NUP205: variants seen among roughly 807,000 people sequenced by gnomAD.
The protein encoded by NUP205 is nuclear pore complex protein Nup205.
A neutral mutation model predicts 253.8 loss-of-function variants in NUP205; 76 were observed. That is an observed-to-expected ratio of 0.30 (90% CI 0.25 to 0.36). The LOEUF is 0.36. Ranked by LOEUF, NUP205 falls within the 10% of genes least tolerant of loss-of-function variation. The probability of loss-of-function intolerance (pLI) is 1.00; values close to 1 mark genes in which losing one functional copy is unlikely to be tolerated. For missense variants in NUP205, 2,162 were observed against 2,425.5 expected, an observed-to-expected ratio of 0.89 and a Z score of 2.28; for synonymous variants, 832 against 850.1, an observed-to-expected ratio of 0.98 and a Z score of 0.37.
chr7:135,645,629 A>T, intron 41 of NUP205, 33 bp downstream of exon 41: 1 of 1,598,692 alleles, frequency 6.3e-7, no homozygotes, highest in Non-Finnish European at 8.5e-7. Context: ...ATGAACCATA[A>T]ATACCTATTT....
intron 5 of NUP205, 31 bp from the exon 6 acceptor site, chr7:135,577,765 T>G: frequency 6.6e-7 from 1 of 1,518,310 alleles, no homozygotes; most frequent in South Asian, 1.1e-5. Flanking sequence ...CTGTAATTTA[T>G]TTATACTGAT....
At chr7:135,613,598 A>C (rs964073680) in intron 22 of NUP205, 2 of 149,438 alleles carry the variant, frequency 1.3e-5, no homozygotes, top group Admixed American at 1.3e-4. Flanking sequence ...GTGCAGTGTC[A>C]TGATCTTGGC....
rs921333191 is a variant in NUP205, at chr7:135,628,015, A to G, written c.4836A>G (p.Pro1612=). The G allele has an allele frequency of 3.1e-5, 50 of 1,611,168 alleles. No homozygotes were observed. Among genetic ancestry groups the G allele is most frequent in the Non-Finnish European group, 4.2e-5 (50 of 1,179,452 alleles). The stretch of plus-strand genomic sequence containing the variant: ...ACCCTCCAATGTTCATCCCTACCCC[A>G]GTGGATCGCTACCGCCAGATTCTCC... ...MRDPPMFIPT[P]VDRYRQILLP... is the part of the protein sequence containing the mutation. The change falls in exon 34 of 43, where the codon CCA becomes CCG. Residue 1612 remains proline, a synonymous_variant. Coordinates refer to ENST00000285968, the MANE Select transcript of NUP205 (RefSeq NM_015135.3).
At chr7:135,561,900 G>GTTCC (rs1161022044) in intron 1 of NUP205, among the ~76,000 whole-genome samples, 2 of 140,722 alleles carry the variant, frequency 1.4e-5, no homozygotes, top group Non-Finnish European at 3.1e-5. Context: ...TCCTTCCTTT[G>GTTCC]TTCCTTCCTT....
intron 30 of NUP205, among the ~76,000 whole-genome samples, chr7:135,622,511 C>A (rs953954216): frequency 6.6e-6 from 1 of 151,598 alleles, no homozygotes; most frequent in South Asian, 2.1e-4. Context: ...TCATTTTGAT[C>A]TCTTTCAGAA....
Position 135,567,126 on chromosome 7 carries a change from G to GTATA in NUP205, c.29-3978_29-3977insATAT, listed in dbSNP as rs1563107967. 8.0e-3 allele frequency among the ~76,000 whole-genome samples: 43 copies of GTATA among 5,362 alleles called. 1 individual carries two copies. The highest frequency in any genetic ancestry group is 0.013 in the African/African-American group (35 of 2,718). 3.5% of individuals were successfully genotyped at this position (5,362 alleles called of 152,430 possible). A position where few individuals can be genotyped will look rare whatever the true frequency, so the allele number is the denominator to read the frequency against. Reference sequence around the variant, plus strand: ...TCTGTCTGTCTTGCTCAGTCTATGTGTGTATATATATATATATATATATAT... The same window carrying GTATA: ...TCTGTCTGTCTTGCTCAGTCTATGTGTATATGTATATATATATATATATATATAT... On this transcript the variant is annotated intron_variant, in intron 1 of 42. Transcript: ENST00000285968.
chr7:135,621,034 A>G (rs1464315223), intron 30 of NUP205, among the ~76,000 whole-genome samples: 1 of 152,190 alleles, frequency 6.6e-6, no homozygotes, highest in East Asian at 1.9e-4. Flanking sequence ...ATTTGTTAAG[A>G]AGTTGTCAGA....
chr7:135,584,264 A>G lies in NUP205; in HGVS notation c.1043-568A>G, dbSNP rs558811320. On this transcript the variant is annotated intron_variant, in intron 7 of 42. Transcript: ENST00000285968. ...TAAGTTGGTAGTATTGAAACAGGTG[A>G]TGGGTATGTAGAGGTTTATTATACT... 5.9e-5 allele frequency among the ~76,000 whole-genome samples: 9 copies of G among 152,286 alleles called. No homozygotes were observed. The East Asian group carries it at 9.6e-4, about 16-fold the overall frequency.
chr7:135,634,663 A>G (rs948568716), intron 35 of NUP205, among the ~76,000 whole-genome samples: 5 of 152,188 alleles, frequency 3.3e-5, no homozygotes, highest in African/African-American at 4.8e-5. Flanking sequence ...TTAGTATGTT[A>G]GAAGAGAAAG....
At chr7:135,591,270 T>C (rs1286175710) in intron 10 of NUP205, among the ~76,000 whole-genome samples, 180 bp from the exon 11 acceptor site, 1 of 152,238 alleles carries the variant, frequency 6.6e-6, no homozygotes, top group Non-Finnish European at 1.5e-5. Flanking sequence ...ATAATTGCAT[T>C]AAATTGCTAA....
At chr7:135,577,153 A>G (rs1236395356) in intron 5 of NUP205, 25 bp downstream of exon 5, 2 of 1,583,728 alleles carry the variant, frequency 1.3e-6, no homozygotes, top group South Asian at 1.2e-5. Context: ...AAATCAATTC[A>G]TGAGTTGTCT....
At chr7:135,563,102 TCCCC>T (rs1172936927) in intron 1 of NUP205, among the ~76,000 whole-genome samples, 3 of 152,142 alleles carry the variant, frequency 2.0e-5, no homozygotes, top group Non-Finnish European at 2.9e-5. Flanking sequence ...TAGGTCAGAG[TCCCC>T]TATTATGTGA....
In NUP205 at chr7:135,587,945, A is replaced by T; in HGVS notation, c.1426A>T (p.Met476Leu). ...AGAGCCTCTTCAGACTCCGACTATC[A>T]TGGGCTCTTATCTAGGGGTGGCTCA... ...PTEPLQTPTI[M>L]GSYLGVAHQR... The change falls in exon 10 of 43, where the codon ATG becomes TTG. Residue 476 changes from methionine (M) to leucine (L), a missense_variant. By Grantham distance (15) the Met-to-Leu change is conservative. Around this residue, in one of 5 missense-constraint regions of NUP205, gnomAD observed 892 missense variants for 957.1 expected, o/e 0.93. Transcript: ENST00000285968. 6.2e-7 allele frequency: 1 copy of T among 1,613,996 alleles called. No homozygotes were observed. Among genetic ancestry groups the T allele is most frequent in the Non-Finnish European group, 8.5e-7 (1 of 1,179,960 alleles).
Position 135,594,709 on chromosome 7 carries a change from C to A in NUP205, c.1993C>A (p.Gln665Lys), listed in dbSNP as rs1429949037. ...KSPEIAASLW[Q>K]SLEYTQILQT... The stretch of plus-strand genomic sequence containing the variant: ...TCCTGAAATTGCTGCTTCCCTCTGG[C>A]AGTCATTGGAATACACTCAGGTAGG... Residue 665 changes from glutamine (Q) to lysine (K), a missense_variant, in exon 13 of 43, where the codon CAG (glutamine) becomes AAG (lysine). By Grantham distance (53) the Gln-to-Lys change is moderately conservative. Around this residue, in one of 5 missense-constraint regions of NUP205, gnomAD observed 892 missense variants for 957.1 expected, o/e 0.93. Coordinates refer to ENST00000285968, the MANE Select transcript of NUP205 (RefSeq NM_015135.3). 6.2e-7 allele frequency: 1 copy of A among 1,612,970 alleles called. No individual in the cohort carries two copies. Among genetic ancestry groups the A allele is most frequent in the Admixed American group, 1.7e-5 (1 of 59,932 alleles).
rs61734151 is a variant in NUP205, at chr7:135,607,350, G to A, written c.3174G>A (p.Gln1058=). ...CAGTGGCGGTGCGAGAATCTCCTCA[G>A]CTGGCTGAGCTATGTTACCAGGTAC... ...TGPVAVRESP[Q]LAELCYQVIY... is the part of the protein sequence containing the mutation. The change falls in exon 22 of 43, where the codon CAG becomes CAA. Residue 1058 remains glutamine (Q), a synonymous_variant. Coordinates refer to ENST00000285968, the MANE Select transcript of NUP205 (RefSeq NM_015135.3). 0.066 allele frequency: 105,882 copies of A among 1,613,360 alleles called. 4,509 individuals are homozygous for A. Among genetic ancestry groups the A allele is most frequent in the South Asian group, 0.16 (14,724 of 91,066 alleles).
chr7:135,589,315 C>T (rs1360548005), intron 10 of NUP205, among the ~76,000 whole-genome samples: 7 of 146,392 alleles, frequency 4.8e-5, no homozygotes, highest in East Asian at 2.0e-4. Flanking sequence ...GATGGAGTTT[C>T]GCTCTTGTTG....
chr7:135,567,128 GTATATATATATATATATATA>G (rs1163648935), intron 1 of NUP205, among the ~76,000 whole-genome samples: 27 of 7,242 alleles, frequency 3.7e-3, no homozygotes, highest in African/African-American at 0.013. Flanking sequence ...GTCTATGTGT[GTATATATATATATATATATA>G]TATATATATA....
intron 1 of NUP205, among the ~76,000 whole-genome samples, chr7:135,568,004 T>G (rs1401266877): frequency 6.6e-6 from 1 of 152,170 alleles, no homozygotes; most frequent in East Asian, 1.9e-4. Flanking sequence ...GGTGGGCAGA[T>G]TGCTTGAGGC....
At chr7:135,596,570 A>G (rs1292807721) in intron 13 of NUP205, among the ~76,000 whole-genome samples, 2 of 152,156 alleles carry the variant, frequency 1.3e-5, no homozygotes, top group East Asian at 3.8e-4. Flanking sequence ...AGGATTATTT[A>G]TTATACCATA....
Sources: gnomAD v4.1 joint callset for allele counts (sites outside exome capture counted in the v4.1 genomes callset) on GRCh38, gnomAD v4.1.1 for gene constraint, gnomAD v4.1.1 regional missense constraint, MANE v1.5 for transcripts, NCBI Gene and HGNC (gene_info 2026-07-23, HGNC 2026-07-21) for gene names.